Variants in THSD7A observed in about 807,000 individuals in gnomAD.
The protein encoded by THSD7A is thrombospondin type 1 domain containing 7A.
THSD7A carries 96 observed loss-of-function variants against 231.3 expected under a neutral mutation model. That is an observed-to-expected ratio of 0.41 (90% CI 0.35 to 0.49). The LOEUF (loss-of-function observed/expected upper bound fraction) is 0.49. Ranked by LOEUF, THSD7A falls within the 20% of genes least tolerant of loss-of-function variation. THSD7A has a pLI of 0.05. For synonymous variants in THSD7A, 940 were observed against 743.3 expected, an observed-to-expected ratio of 1.26 and a Z score of -4.30; for missense variants, 2,290 against 2,070.2, an observed-to-expected ratio of 1.11 and a Z score of -2.06.
At chr7:11,396,913 C>T (rs1161830667) in intron 23 of THSD7A, among the ~76,000 whole-genome samples, 2 of 152,188 alleles carry the variant, frequency 1.3e-5, no homozygotes, top group Admixed American at 1.3e-4. Context: ...TCCAGCAGCA[C>T]ATCAAAAAGC....
chr7:11,785,846 A>G (rs1783772039), intron 1 of THSD7A, among the ~76,000 whole-genome samples: 1 of 152,134 alleles, frequency 6.6e-6, no homozygotes, highest in Non-Finnish European at 1.5e-5. Context: ...GAATAAAATA[A>G]TAGGCTAATT....
intron 26 of THSD7A, 89 bp downstream of exon 26, chr7:11,378,981 A>T: frequency 8.1e-7 from 1 of 1,241,922 alleles, no homozygotes; most frequent in Non-Finnish European, 1.1e-6. Context: ...AATAGCTCAT[A>T]TAAAAATGCT....
chr7:11,379,589 T>A (rs1471361586), intron 25 of THSD7A, 41 bp downstream of exon 25: 1 of 1,517,066 alleles, frequency 6.6e-7, no homozygotes, highest in South Asian at 1.2e-5. Flanking sequence ...GGGTGACACA[T>A]GATGGAGCTG....
chr7:11,450,957 C>A (rs987878282), intron 11 of THSD7A, among the ~76,000 whole-genome samples: 3 of 151,962 alleles, frequency 2.0e-5, no homozygotes, highest in Non-Finnish European at 4.4e-5. Context: ...TATCCATTTA[C>A]TTCATTTATT....
At chr7:11,578,464 C>T (rs1452898075) in intron 4 of THSD7A, among the ~76,000 whole-genome samples, 1 of 152,032 alleles carries the variant, frequency 6.6e-6, no homozygotes. Flanking sequence ...AAGATATTTC[C>T]AAAGAATACA....
intron 4 of THSD7A, among the ~76,000 whole-genome samples, chr7:11,549,170 C>T (rs1229124621): frequency 2.0e-5 from 3 of 151,996 alleles, no homozygotes; most frequent in African/African-American, 4.8e-5. Flanking sequence ...ATTAGAGAAA[C>T]GCAAATTAAA....
chr7:11,816,238 A>G (rs898379656), intron 1 of THSD7A, among the ~76,000 whole-genome samples: 10 of 152,178 alleles, frequency 6.6e-5, no homozygotes, highest in African/African-American at 2.4e-4. Flanking sequence ...GTGCCTGCCA[A>G]TTTTCCTCAG....
At chr7:11,639,157 A>G (rs2681043) in intron 1 of THSD7A, among the ~76,000 whole-genome samples, 22,533 of 152,150 alleles carry the variant, frequency 0.15, 1,794 homozygotes, top group Admixed American at 0.2. Flanking sequence ...CTTATACTAA[A>G]TCAGACTCTA....
intron 4 of THSD7A, among the ~76,000 whole-genome samples, chr7:11,572,451 T>C (rs1469803583): frequency 6.6e-6 from 1 of 152,188 alleles, no homozygotes; most frequent in African/African-American, 2.4e-5. Context: ...TTTCTCTTCA[T>C]ACTCGCATAT....
intron 4 of THSD7A, among the ~76,000 whole-genome samples, chr7:11,571,514 A>T (rs1790628927): frequency 6.6e-6 from 1 of 152,184 alleles, no homozygotes; most frequent in Non-Finnish European, 1.5e-5. Context: ...TTAAATTTTT[A>T]AAAATTCTAT....
intron 11 of THSD7A, among the ~76,000 whole-genome samples, chr7:11,453,595 G>A (rs1016537945): frequency 1.5e-4 from 23 of 151,868 alleles, no homozygotes; most frequent in African/African-American, 5.1e-4. Context: ...TAGGCTAGAC[G>A]GGGTAGACCC....
At chr7:11,722,320 G>A (rs905912259) in intron 1 of THSD7A, among the ~76,000 whole-genome samples, 2 of 151,854 alleles carry the variant, frequency 1.3e-5, no homozygotes, top group African/African-American at 4.8e-5. Flanking sequence ...TAAGATGTAG[G>A]TGCAGTTTGC....
At chr7:11,684,310 A>G (rs984285090) in intron 1 of THSD7A, among the ~76,000 whole-genome samples, 85 of 151,926 alleles carry the variant, frequency 5.6e-4, no homozygotes, top group African/African-American at 2.0e-3. Flanking sequence ...AGCATTCCTC[A>G]TAAGAAATCG....
At chr7:11,694,433 C>T (rs1780327336) in intron 1 of THSD7A, among the ~76,000 whole-genome samples, 1 of 151,524 alleles carries the variant, frequency 6.6e-6, no homozygotes, top group African/African-American at 2.4e-5. Flanking sequence ...AATCCAAGTG[C>T]TATTCTATCT....
rs763558465 is a variant in THSD7A at position 11,411,343 on chromosome 7, TCAGAA to T, written c.3683-26_3683-22del. ...CCAGTCTGAAAAAAAGGGAAGCCCA[TCAGAA>T]CAGAAGGCTAAGTAAGAAACAGATT... On this transcript the variant is annotated intron_variant, in intron 18 of 27. Coordinates refer to ENST00000423059, the MANE Select transcript of THSD7A (RefSeq NM_015204.3). The surrounding 1 kb of genome is among the most constrained non-coding windows in gnomAD (Gnocchi z 4.1). 1 of 1,549,270 alleles carries T rather than the reference TCAGAA, an allele frequency of 6.5e-7. No homozygotes were observed. Among genetic ancestry groups the T allele is most frequent in the African/African-American group, 1.4e-5 (1 of 73,416 alleles).
intron 4 of THSD7A, among the ~76,000 whole-genome samples, chr7:11,574,066 G>A (rs1016344746): frequency 3.3e-5 from 5 of 152,142 alleles, no homozygotes; most frequent in African/African-American, 9.7e-5. Flanking sequence ...GAGACGTCAC[G>A]TAGAAAGATC....
chr7:11,670,569 C>G (rs1241495232), intron 1 of THSD7A, among the ~76,000 whole-genome samples: 1 of 152,156 alleles, frequency 6.6e-6, no homozygotes, highest in Non-Finnish European at 1.5e-5. Context: ...ACTCTGTCTG[C>G]TACTGTATTA....
intron 13 of THSD7A, among the ~76,000 whole-genome samples, chr7:11,434,599 G>C (rs1374745740): frequency 1.3e-5 from 2 of 152,062 alleles, no homozygotes; most frequent in Non-Finnish European, 2.9e-5. Flanking sequence ...CTGTGTGAAT[G>C]AGTAACTCTG....
chr7:11,748,177 A>C (rs888642655), intron 1 of THSD7A, among the ~76,000 whole-genome samples: 1 of 151,984 alleles, frequency 6.6e-6, no homozygotes, highest in Admixed American at 6.6e-5. Context: ...TGAGTATCAC[A>C]ACAGGAATGG....
Sources: allele counts gnomAD v4.1 joint callset (sites outside exome capture counted in the v4.1 genomes callset), GRCh38; gene constraint gnomAD v4.1.1; non-coding constraint Gnocchi (gnomAD v3.1); transcripts MANE v1.5; gene names NCBI Gene and HGNC (gene_info 2026-07-23, HGNC 2026-07-21).